RASSF5: variants seen among roughly 807,000 people sequenced by gnomAD.
RASSF5 encodes the protein ras association domain-containing protein 5.
RASSF5 carries 25 observed loss-of-function variants against 40.5 expected under a neutral mutation model. The observed-to-expected ratio is 0.62, with a 90% CI of 0.45 to 0.86. The LOEUF is 0.86. Ranked by LOEUF, RASSF5 falls within the 40% of genes least tolerant of loss-of-function variation. RASSF5 has a pLI of 0.00. For synonymous variants in RASSF5, 246 were observed against 252.4 expected (o/e 0.97, Z 0.24); for missense variants, 521 against 572.8 (o/e 0.91, Z 0.92).
intron 2 of RASSF5, among the ~76,000 whole-genome samples, chr1:206,562,705 G>A (rs1668176619): frequency 6.6e-6 from 1 of 152,122 alleles, no homozygotes; most frequent in African/African-American, 2.4e-5. Flanking sequence ...GGCCGAGACG[G>A]GCGGATCACG....
rs1553408394 is a variant in RASSF5, at chr1:206,588,971, A to G, written c.*1993A>G. ...GAAGGAAAAAAAAAGTCATGTATAT[A>G]TACACATAAAGGCATATAGCTATAT... On this transcript the variant is annotated 3_prime_UTR_variant, in exon 6 of 6. Coordinates refer to ENST00000579436, the MANE Select transcript of RASSF5 (RefSeq NM_182663.4). The G allele has an allele frequency of 1.3e-5, 2 of 152,784 alleles. No homozygotes were observed. The allele number at this position is 152,784 out of a possible 1,614,324, so 9.5% of individuals were successfully genotyped here.
At chr1:206,574,191 G>A (rs920220441) in intron 2 of RASSF5, among the ~76,000 whole-genome samples, 11 of 152,220 alleles carry the variant, frequency 7.2e-5, no homozygotes, top group Admixed American at 2.6e-4. Context: ...AGGGGACCCC[G>A]TGTCCAGACT....
intron 2 of RASSF5, among the ~76,000 whole-genome samples, chr1:206,553,738 G>A (rs987249067): frequency 6.6e-6 from 1 of 152,206 alleles, no homozygotes. Flanking sequence ...CCAGGAAGCT[G>A]AAAGGAAGAC....
intron 1 of RASSF5, among the ~76,000 whole-genome samples, chr1:206,533,033 G>C (rs1667282086): frequency 6.6e-6 from 1 of 152,174 alleles, no homozygotes; most frequent in Admixed American, 6.5e-5. Flanking sequence ...GCAGCCCTGG[G>C]GATTAAGGGG....
chr1:206,558,468 C>T (rs1173194811), intron 2 of RASSF5, among the ~76,000 whole-genome samples: 1 of 152,050 alleles, frequency 6.6e-6, no homozygotes, highest in Non-Finnish European at 1.5e-5. Flanking sequence ...GATGAGAGGG[C>T]TCCAAGCCAG....
intron 1 of RASSF5, among the ~76,000 whole-genome samples, chr1:206,512,687 C>G (rs1318646894): frequency 2.6e-5 from 4 of 152,042 alleles, no homozygotes; most frequent in African/African-American, 9.7e-5. Context: ...CCAGCCCAGT[C>G]CCAAGGGCCC....
intron 2 of RASSF5, among the ~76,000 whole-genome samples, chr1:206,573,775 A>G (rs1668536867): frequency 6.6e-6 from 1 of 152,248 alleles, no homozygotes; most frequent in Non-Finnish European, 1.5e-5. Flanking sequence ...TGGGAGGCCA[A>G]AGCGGGAGGA....
chr1:206,576,827 G>T (rs1668676175), intron 2 of RASSF5, among the ~76,000 whole-genome samples: 2 of 152,112 alleles, frequency 1.3e-5, no homozygotes, highest in Non-Finnish European at 2.9e-5. Context: ...TTTGAGACAG[G>T]GTCTTGCTCT....
intron 1 of RASSF5, among the ~76,000 whole-genome samples, chr1:206,523,513 ATATATTATATATTTTATATAT>A (rs1220280131): frequency 2.0e-5 from 2 of 101,392 alleles, no homozygotes; most frequent in African/African-American, 4.0e-5. Context: ...TTTATATATT[ATATATTATATATTTTATATAT>A]TATATATATA....
At chr1:206,510,673 G>T (rs1553394523) in intron 1 of RASSF5, among the ~76,000 whole-genome samples, 1 of 152,132 alleles carries the variant, frequency 6.6e-6, no homozygotes, top group Non-Finnish European at 1.5e-5. Flanking sequence ...TGGGTATTAG[G>T]TGTCCTCTAG....
At chr1:206,563,792 C>T (rs1668214316) in intron 2 of RASSF5, among the ~76,000 whole-genome samples, 1 of 152,166 alleles carries the variant, frequency 6.6e-6, no homozygotes, top group African/African-American at 2.4e-5. Context: ...GGTTCCTAGG[C>T]TGGAAACTGA....
intron 1 of RASSF5, among the ~76,000 whole-genome samples, chr1:206,517,394 C>T (rs931758722): frequency 3.3e-5 from 5 of 152,122 alleles, no homozygotes; most frequent in African/African-American, 1.2e-4. Flanking sequence ...ATCACTTGAG[C>T]CCAGGAGGTC....
intron 2 of RASSF5, among the ~76,000 whole-genome samples, chr1:206,539,117 G>A (rs1667486522): frequency 6.6e-6 from 1 of 152,224 alleles, no homozygotes; most frequent in African/African-American, 2.4e-5. Context: ...AAGCCTTAAT[G>A]TGTGGGTTGA....
intron 5 of RASSF5, 161 bp downstream of exon 5, chr1:206,585,456 A>G (rs536800593): frequency 1.6e-6 from 1 of 607,418 alleles, no homozygotes; most frequent in South Asian, 1.9e-5. Flanking sequence ...CCTGGGGGTC[A>G]GTGTTTCAGC....
chr1:206,556,800 C>T (rs548066150), intron 2 of RASSF5, among the ~76,000 whole-genome samples: 104 of 152,180 alleles, frequency 6.8e-4, no homozygotes, highest in African/African-American at 2.2e-3. Context: ...TCCGATTGAC[C>T]CGGCTCCCCC....
intron 1 of RASSF5, among the ~76,000 whole-genome samples, chr1:206,523,687 A>C (rs1165484957): frequency 2.4e-5 from 2 of 82,966 alleles, no homozygotes; most frequent in East Asian, 6.6e-4. Flanking sequence ...ATATAAATAT[A>C]TTATATATAA....
intron 2 of RASSF5, among the ~76,000 whole-genome samples, chr1:206,561,881 C>A (rs1354975513): frequency 1.3e-5 from 2 of 151,138 alleles, no homozygotes; most frequent in Non-Finnish European, 2.9e-5. Context: ...CAATGTTGGC[C>A]AGGTCTTGAA....
At chr1:206,555,482 G>A (rs1449512756) in intron 2 of RASSF5, among the ~76,000 whole-genome samples, 1 of 151,656 alleles carries the variant, frequency 6.6e-6, no homozygotes, top group East Asian at 1.9e-4. Context: ...ATGGCCCAAG[G>A]ATCACAGGAA....
intron 2 of RASSF5, among the ~76,000 whole-genome samples, chr1:206,539,265 G>A (rs1667489494): frequency 6.6e-6 from 1 of 152,212 alleles, no homozygotes; most frequent in African/African-American, 2.4e-5. Context: ...TACACATCCG[G>A]TGCTTACAGT....
Sources: allele counts gnomAD v4.1 joint callset (sites outside exome capture counted in the v4.1 genomes callset), GRCh38; gene constraint gnomAD v4.1.1; transcripts MANE v1.5; gene names NCBI Gene and HGNC (gene_info 2026-07-23, HGNC 2026-07-21).